Variants in UVRAG observed in about 807,000 individuals in gnomAD.
UVRAG encodes UV radiation resistance-associated gene protein.
UVRAG carries 19 observed loss-of-function variants against 78.0 expected under a neutral mutation model. The ratio of observed to expected loss-of-function variants is 0.24; its 90% CI spans 0.17 to 0.36. UVRAG has a LOEUF of 0.36. Ranked by LOEUF, UVRAG falls within the 10% of genes least tolerant of loss-of-function variation. The pLI is 1.00. For missense variants in UVRAG, 740 were observed against 853.8 expected, an observed-to-expected ratio of 0.87 and a Z score of 1.66; for synonymous variants, 323 against 324.6, an observed-to-expected ratio of 1.00 and a Z score of 0.05.
chr11:76,098,951 A>C (rs1951832029), intron 13 of UVRAG, among the ~76,000 whole-genome samples: 1 of 152,166 alleles, frequency 6.6e-6, no homozygotes, highest in Non-Finnish European at 1.5e-5. Context: ...CCAGACATGC[A>C]TCCACACACG....
chr11:76,067,968 T>TTAGCTAGTGCCTAGTGCTCTAGGCAC (rs1208073321), intron 13 of UVRAG, among the ~76,000 whole-genome samples: 49 of 152,176 alleles, frequency 3.2e-4, no homozygotes, highest in African/African-American at 1.1e-3. Flanking sequence ...CTCTAGGCAC[T>TTAGCTAGTGCCTAGTGCTCTAGGCAC]TAGATCCTAA....
intron 2 of UVRAG, among the ~76,000 whole-genome samples, chr11:75,855,282 A>G (rs535289379): frequency 3.3e-5 from 5 of 152,338 alleles, no homozygotes; most frequent in African/African-American, 9.6e-5. Flanking sequence ...ACAGTTAGGG[A>G]ATAGCTGGTG....
chr11:75,983,990 C>T (rs1949446809), intron 8 of UVRAG, among the ~76,000 whole-genome samples: 1 of 152,006 alleles, frequency 6.6e-6, no homozygotes, highest in Non-Finnish European at 1.5e-5. Flanking sequence ...TGAAGTTAGT[C>T]CATAGAGACA....
intron 12 of UVRAG, among the ~76,000 whole-genome samples, chr11:76,023,850 T>A (rs889984628): frequency 1.3e-5 from 2 of 152,226 alleles, no homozygotes; most frequent in Non-Finnish European, 2.9e-5. Context: ...CTTGATTTTT[T>A]CTTTTTAGAT....
intron 6 of UVRAG, among the ~76,000 whole-genome samples, chr11:75,954,200 T>G (rs150660604): frequency 1.3e-5 from 2 of 152,276 alleles, no homozygotes; most frequent in Non-Finnish European, 2.9e-5. Context: ...ACACTGAAGA[T>G]TGGAGGAAAT....
At chr11:75,839,347 C>T (rs532796392) in intron 1 of UVRAG, among the ~76,000 whole-genome samples, 11 of 151,986 alleles carry the variant, frequency 7.2e-5, no homozygotes, top group African/African-American at 2.4e-4. Flanking sequence ...TCTTTTATAG[C>T]TTCTGAATAT....
At chr11:76,100,097 T>C (rs533015483) in intron 13 of UVRAG, among the ~76,000 whole-genome samples, 1 of 152,266 alleles carries the variant, frequency 6.6e-6, no homozygotes, top group Admixed American at 6.5e-5. Flanking sequence ...TTTTTAATTG[T>C]CCAGTCTGCT....
At chr11:75,963,978 C>T (rs758750975) in intron 7 of UVRAG, among the ~76,000 whole-genome samples, 1 of 152,046 alleles carries the variant, frequency 6.6e-6, no homozygotes, top group Non-Finnish European at 1.5e-5. Context: ...CAGATTTTGT[C>T]AGATTCCTTT....
At chr11:76,119,962 T>G (rs564248882) in intron 14 of UVRAG, among the ~76,000 whole-genome samples, 1 of 152,362 alleles carries the variant, frequency 6.6e-6, no homozygotes, top group Non-Finnish European at 1.5e-5. Context: ...TCTCACGTCC[T>G]GTCGCTGTAC....
chr11:76,035,022 T>C (rs900573442), intron 12 of UVRAG, among the ~76,000 whole-genome samples: 2 of 152,208 alleles, frequency 1.3e-5, no homozygotes, highest in Admixed American at 6.5e-5. Context: ...GCAGGTCTCT[T>C]GGAGTTGATT....
At chr11:76,102,391 A>T (rs931327921) in intron 13 of UVRAG, among the ~76,000 whole-genome samples, 2 of 151,898 alleles carry the variant, frequency 1.3e-5, no homozygotes, top group African/African-American at 4.8e-5. Flanking sequence ...TGTTGTTGGG[A>T]ATGCTAGTGA....
chr11:75,940,638 G>C (rs770337537), intron 6 of UVRAG, among the ~76,000 whole-genome samples: 2 of 152,190 alleles, frequency 1.3e-5, no homozygotes, highest in African/African-American at 2.4e-5. Context: ...TAAATATGTA[G>C]GTTGTAAGGG....
In UVRAG at chr11:75,984,070, A is replaced by AT. The variant is rs1269208384; in HGVS notation, c.826+562dup. Among the ~76,000 whole-genome samples, 41 of 152,278 alleles carry AT rather than the reference A, an allele frequency of 2.7e-4. 1 individual carries two copies. The highest frequency in any genetic ancestry group is 6.8e-3 in the Middle Eastern group (2 of 294). On this transcript the variant is annotated intron_variant, in intron 8 of 14. Transcript: ENST00000356136. ...TGATTTAATGATGATTTAACGTACG[A>AT]TTTTTCAGTTTTACAATGTGCAAAA...
intron 12 of UVRAG, among the ~76,000 whole-genome samples, chr11:76,037,889 T>G (rs1045007900): frequency 2.6e-5 from 4 of 152,218 alleles, no homozygotes; most frequent in Non-Finnish European, 4.4e-5. Context: ...GCAAGACTTG[T>G]GAATATATAG....
At chr11:75,968,260 T>G (rs971507996) in intron 7 of UVRAG, among the ~76,000 whole-genome samples, 2 of 152,254 alleles carry the variant, frequency 1.3e-5, no homozygotes, top group Non-Finnish European at 2.9e-5. Flanking sequence ...GTATCTGTGA[T>G]TTTCAGTTCA....
chr11:76,052,159 T>C (rs1950883091), intron 12 of UVRAG, among the ~76,000 whole-genome samples: 1 of 152,252 alleles, frequency 6.6e-6, no homozygotes, highest in Admixed American at 6.5e-5. Context: ...CACTGGACTT[T>C]AACCTCATGT....
rs1020136092 is a variant in UVRAG at position 75,852,108 on chromosome 11, A to G, written c.235+108A>G. The stretch of plus-strand genomic sequence containing the variant: ...GCTTTTGTGGCTTCTCGGAAACCTA[A>G]ATTGTTATGCTGTCTGAAAATATCT... On this transcript the variant is annotated intron_variant, in intron 2 of 14. Transcript: ENST00000356136. 9 of 697,538 alleles carry G rather than the reference A, an allele frequency of 1.3e-5. No homozygotes were observed. In the African/African-American group the frequency reaches 1.5e-4, roughly 11 times the overall value. The allele number at this position is 697,538 out of a possible 1,614,324, so 43.2% of individuals were successfully genotyped here. A position where few individuals can be genotyped will look rare whatever the true frequency, so the allele number is the denominator to read the frequency against.
rs575475363 is a variant in UVRAG at position 76,138,505 on chromosome 11, T to G, written c.1398-2206T>G. On this transcript the variant is annotated intron_variant, in intron 14 of 14. Coordinates refer to ENST00000356136, the MANE Select transcript of UVRAG (RefSeq NM_003369.4). ...TGTACAAAGTTGAGAACTTTTAGAG[T>G]TCTCAAACTCAACGAGGGCTACAAA... is the stretch of plus-strand genomic sequence containing the variant. 9.9e-3 allele frequency among the ~76,000 whole-genome samples: 1,509 copies of G among 152,178 alleles called. 29 individuals are homozygous for G. Among genetic ancestry groups the G allele is most frequent in the African/African-American group, 0.034 (1,421 of 41,488 alleles).
chr11:75,904,771 A>T (rs183667777), intron 5 of UVRAG, among the ~76,000 whole-genome samples: 2 of 149,208 alleles, frequency 1.3e-5, no homozygotes, highest in East Asian at 1.9e-4. Context: ...ATGTGTTAAC[A>T]TTTAACATAT....
Sources: allele counts gnomAD v4.1 joint callset (sites outside exome capture counted in the v4.1 genomes callset), GRCh38; gene constraint gnomAD v4.1.1; transcripts MANE v1.5; gene names NCBI Gene and HGNC (gene_info 2026-07-23, HGNC 2026-07-21).